Variants in SLIT1 observed in about 807,000 individuals in gnomAD.
SLIT1 encodes slit guidance ligand 1, also known as slit homolog 1 protein.
Under a neutral mutation model 186.1 loss-of-function variants are expected in SLIT1, and 66 were observed. That is an observed-to-expected ratio of 0.35 (90% CI 0.29 to 0.44). The LOEUF is 0.44. Among genes scored for constraint, SLIT1 ranks in the 20% least tolerant of loss-of-function variants. The pLI is 1.00. For missense variants in SLIT1, 1,638 were observed against 2,037.4 expected (o/e 0.80, Z 3.77); for synonymous variants, 761 against 833.8 (o/e 0.91, Z 1.50).
chr10:97,051,115 G>C (rs1428509518), intron 13 of SLIT1, among the ~76,000 whole-genome samples: 1 of 152,224 alleles, frequency 6.6e-6, no homozygotes, highest in African/African-American at 2.4e-5. Flanking sequence ...CTGATTCTCA[G>C]TGTCTTTGTA....
chr10:97,179,857 C>A (rs564761505), intron 1 of SLIT1, among the ~76,000 whole-genome samples: 5 of 151,038 alleles, frequency 3.3e-5, no homozygotes, highest in East Asian at 2.0e-4. Flanking sequence ...TGGCCATCAT[C>A]TGCTCTGGGT....
rs1267320168 is a variant in SLIT1, at chr10:97,074,155, C to T, written c.414-8069G>A. Among the ~76,000 whole-genome samples the T allele has an allele frequency of 2.6e-5, 4 of 152,312 alleles. No individual in the cohort carries two copies. In the South Asian group the frequency reaches 8.3e-4, roughly 32 times the overall value. On this transcript the variant is annotated intron_variant, in intron 4 of 36. Coordinates refer to ENST00000266058, the MANE Select transcript of SLIT1 (RefSeq NM_003061.3). ...GTGATGAAGTACTGACTCTGGTGAA[C>T]GTCCATCTCCCTCTCCAGACCATAA...
chr10:97,064,197 G>A lies in SLIT1; in HGVS notation c.600C>T (p.Ser200=). ...TCCGTAGCTTGGGCATATGGTTGAA[G>A]CTGGACACGGGGATGGTGGTGATAT... ...NNNITTIPVS[S]FNHMPKLRTF... Residue 200 remains serine (S), a synonymous_variant, in exon 7 of 37, where the codon AGC becomes AGT. Transcript: ENST00000266058. The A allele has an allele frequency of 6.2e-7, 1 of 1,613,902 alleles. No individual in the cohort carries two copies. The highest frequency in any genetic ancestry group is 1.3e-5 in the African/African-American group (1 of 75,048).
intron 4 of SLIT1, among the ~76,000 whole-genome samples, chr10:97,081,656 T>C (rs1417361512): frequency 3.3e-5 from 5 of 152,132 alleles, no homozygotes; most frequent in Non-Finnish European, 7.3e-5. Flanking sequence ...CAGACAGGGA[T>C]GCTCAAAGGG....
intron 4 of SLIT1, among the ~76,000 whole-genome samples, chr10:97,093,861 TGA>T (rs1433320683): frequency 1.6e-4 from 25 of 152,224 alleles, no homozygotes; most frequent in Non-Finnish European, 8.8e-5. Flanking sequence ...CCTGTGGGCC[TGA>T]CCACAGCAGA....
intron 1 of SLIT1, among the ~76,000 whole-genome samples, chr10:97,173,613 GGATCTGAGCAAA>G (rs923625779): frequency 5.3e-5 from 8 of 151,660 alleles, no homozygotes; most frequent in African/African-American, 1.9e-4. Context: ...GGGGTGACGA[GGATCTGAGCAAA>G]GCCAGCGTTG....
intron 4 of SLIT1, among the ~76,000 whole-genome samples, chr10:97,095,903 C>A (rs1360036996): frequency 6.6e-6 from 1 of 152,182 alleles, no homozygotes. Flanking sequence ...GGGACTTGTT[C>A]AGATGGGCAG....
At position 97,018,657 on chromosome 10, in the gene SLIT1, G is replaced by C. The variant is rs1848475346; in HGVS notation, c.2898C>G (p.Asp966Glu). Reference protein sequence around the residue: ...YKGRDCEVSLDSCSSGPCENG... With the variant: ...YKGRDCEVSLESCSSGPCENG... Reference sequence around the variant, plus strand: ...TTTCACAGGGGCCACTGGAACAGCTGTCCAGGGACACCTCACAGTCTCGAC... The same window carrying C: ...TTTCACAGGGGCCACTGGAACAGCTCTCCAGGGACACCTCACAGTCTCGAC... The change falls in exon 28 of 37, where the codon GAC becomes GAG. Residue 966 changes from aspartate to glutamate, a missense_variant. Around this residue, in one of 3 missense-constraint regions of SLIT1, gnomAD observed 1,245 missense variants for 1,535.3 expected, o/e 0.81. Coordinates refer to ENST00000266058, the MANE Select transcript of SLIT1 (RefSeq NM_003061.3). 6.3e-7 allele frequency: 1 copy of C among 1,592,404 alleles called. No individual in the cohort carries two copies. Among genetic ancestry groups the C allele is most frequent in the Non-Finnish European group, 8.5e-7 (1 of 1,169,592 alleles).
intron 26 of SLIT1, among the ~76,000 whole-genome samples, chr10:97,020,413 C>T (rs1848492244): frequency 6.6e-6 from 1 of 152,222 alleles, no homozygotes; most frequent in African/African-American, 2.4e-5. Flanking sequence ...AACAAAACCC[C>T]TTCTCACCAG....
chr10:97,107,022 T>C (rs1435398669), intron 4 of SLIT1, among the ~76,000 whole-genome samples: 1 of 152,206 alleles, frequency 6.6e-6, no homozygotes, highest in Non-Finnish European at 1.5e-5. Flanking sequence ...ATCTAAACTT[T>C]CTGTACAGCA....
rs74542871 is a variant in SLIT1 at position 97,043,921 on chromosome 10, C to A, written c.1854-408G>T. On this transcript the variant is annotated intron_variant, in intron 18 of 36. Coordinates refer to ENST00000266058, the MANE Select transcript of SLIT1 (RefSeq NM_003061.3). The surrounding 1 kb of genome is among the most constrained non-coding windows in gnomAD (Gnocchi z 7.0). ...CACTAACAGCCTCCAAACTGCCCAC[C>A]GAGTCATGCTCGAACTCCTTACTGT... is the stretch of plus-strand genomic sequence containing the variant. 8.2e-4 allele frequency among the ~76,000 whole-genome samples: 125 copies of A among 152,258 alleles called. 1 individual carries two copies. The highest frequency in any genetic ancestry group is 3.0e-3 in the African/African-American group (124 of 41,546).
At position 97,064,807 on chromosome 10, in the gene SLIT1, C is replaced by T; in HGVS notation, c.555G>A (p.Val185=). The change falls in exon 6 of 37, where the codon GTG becomes GTA. Residue 185 remains valine, a splice_region_variant and synonymous_variant. Transcript: ENST00000266058. The part of the protein sequence containing the change: ...GAFRALRGLE[V]LTLNNNNITT... The stretch of plus-strand genomic sequence containing the variant: ...TTCCTTTTCCATGCTTTACTTACAG[C>T]ACCTCCAGCCCCCGCAGAGCACGGA... 2 of 1,608,424 alleles carry T rather than the reference C, an allele frequency of 1.2e-6. No individual in the cohort carries two copies. Among genetic ancestry groups the T allele is most frequent in the South Asian group, 1.1e-5 (1 of 90,178 alleles).
intron 4 of SLIT1, among the ~76,000 whole-genome samples, chr10:97,077,560 T>G (rs1849057463): frequency 6.6e-6 from 1 of 152,176 alleles, no homozygotes; most frequent in Non-Finnish European, 1.5e-5. Context: ...GATGCCTCTT[T>G]GGGCCTCAGT....
At chr10:97,037,314 G>A (rs1848649346) in intron 22 of SLIT1, among the ~76,000 whole-genome samples, 1 of 151,776 alleles carries the variant, frequency 6.6e-6, no homozygotes, top group African/African-American at 2.4e-5. Context: ...GGCTGGTCTC[G>A]AACTCCAACA....
At chr10:97,002,038 G>A (rs1294827949) in intron 36 of SLIT1, 120 bp downstream of exon 36, 1 of 573,534 alleles carries the variant, frequency 1.7e-6, no homozygotes, top group Non-Finnish European at 2.9e-6. Flanking sequence ...CCCCATAGTA[G>A]CCCATGGTAC....
rs1232417662 is a variant in SLIT1 at position 97,114,563 on chromosome 10, G to A, written c.413+43255C>T. Among the ~76,000 whole-genome samples, 7 of 152,162 alleles carry A rather than the reference G, an allele frequency of 4.6e-5. No homozygotes were observed. The East Asian group carries it at 1.3e-3, about 29-fold the overall frequency. On this transcript the variant is annotated intron_variant, in intron 4 of 36. Transcript: ENST00000266058. ...AGTCCCAGCTACTCTGGAGCCTGAG[G>A]TGGGAGGATCAGTTGAGCCCAAGAG...
chr10:97,067,705 C>G (rs998532678), intron 4 of SLIT1, among the ~76,000 whole-genome samples: 2 of 152,182 alleles, frequency 1.3e-5, no homozygotes, highest in African/African-American at 4.8e-5. Context: ...TGGACCCGGG[C>G]TCCCTGCCCC....
intron 25 of SLIT1, among the ~76,000 whole-genome samples, chr10:97,026,003 G>A (rs1166718887): frequency 6.6e-6 from 1 of 151,932 alleles, no homozygotes; most frequent in East Asian, 1.9e-4. Flanking sequence ...AAAAGCATGA[G>A]AAAAGCACAA....
At position 97,002,906 on chromosome 10, in the gene SLIT1, A is replaced by G; in HGVS notation, c.3952T>C (p.Tyr1318His). The change falls in exon 35 of 37, where the codon TAC (tyrosine) becomes CAC (histidine). Residue 1318 changes from tyrosine to histidine, a missense_variant. Tyr to His is a moderately conservative substitution (Grantham distance 83, BLOSUM62 2). Transcript: ENST00000266058. ...TGFHGCIRNL[Y>H]INNELQDFTK... is the part of the protein sequence containing the mutation. Reference sequence around the variant, plus strand: ...AAGTCCTGCAGCTCGTTGTTGATGTACAGGTTTCGGATGCAACCGTGGAAG... The same window carrying G: ...AAGTCCTGCAGCTCGTTGTTGATGTGCAGGTTTCGGATGCAACCGTGGAAG... 2 of 1,614,206 alleles carry G rather than the reference A, an allele frequency of 1.2e-6. No homozygotes were observed.
Sources: gnomAD v4.1 joint callset for allele counts (sites outside exome capture counted in the v4.1 genomes callset) on GRCh38, gnomAD v4.1.1 for gene constraint, gnomAD v4.1.1 regional missense constraint, Gnocchi (gnomAD v3.1) non-coding constraint, MANE v1.5 for transcripts, NCBI Gene and HGNC (gene_info 2026-07-23, HGNC 2026-07-21) for gene names.